CNTN4: variants seen among roughly 807,000 people sequenced by gnomAD.
CNTN4 encodes the protein contactin 4, also known as contactin-4.
CNTN4 carries 77 observed loss-of-function variants against 122.5 expected under a neutral mutation model. The observed-to-expected ratio is 0.63, with a 90% CI of 0.52 to 0.76. CNTN4 has a LOEUF of 0.76. CNTN4 is among the 30% of genes least tolerant of loss of function. CNTN4 has a pLI of 0.00. For missense variants in CNTN4, 1,256 were observed against 1,259.1 expected (o/e 1.00, Z 0.04); for synonymous variants, 512 against 447.0 (o/e 1.15, Z -1.83).
chr3:2,959,644 TA>T (rs1310678108), intron 13 of CNTN4, among the ~76,000 whole-genome samples: 6 of 151,776 alleles, frequency 4.0e-5, no homozygotes, highest in Non-Finnish European at 8.8e-5. Context: ...TTTTTATTTT[TA>T]GAATCATACT....
At chr3:2,605,318 A>G (rs1277420332) in intron 4 of CNTN4, among the ~76,000 whole-genome samples, 1 of 152,216 alleles carries the variant, frequency 6.6e-6, no homozygotes, top group African/African-American at 2.4e-5. Flanking sequence ...AGAGACCAGG[A>G]TATCTGGAGT....
intron 4 of CNTN4, among the ~76,000 whole-genome samples, chr3:2,649,594 A>G (rs912037423): frequency 2.6e-5 from 4 of 152,190 alleles, no homozygotes; most frequent in African/African-American, 7.2e-5. Flanking sequence ...GTGTTTGACA[A>G]TGCACCTTGT....
At chr3:2,677,690 G>A (rs2084948226) in intron 4 of CNTN4, among the ~76,000 whole-genome samples, 1 of 152,012 alleles carries the variant, frequency 6.6e-6, no homozygotes, top group Non-Finnish European at 1.5e-5. Flanking sequence ...CAAATTCCCA[G>A]CAGATGGTGG....
intron 4 of CNTN4, among the ~76,000 whole-genome samples, chr3:2,696,580 A>G (rs1314532891): frequency 6.6e-6 from 1 of 152,128 alleles, no homozygotes; most frequent in Non-Finnish European, 1.5e-5. Context: ...TTGATCTTGG[A>G]TTTTCCAGCC....
chr3:2,590,124 A>G (rs1001569651), intron 4 of CNTN4, among the ~76,000 whole-genome samples: 2 of 152,124 alleles, frequency 1.3e-5, no homozygotes, highest in Non-Finnish European at 1.5e-5. Context: ...TACCTACACA[A>G]CATAATACGA....
rs1327141279 is a variant in CNTN4, at chr3:2,600,005, CTTCTTTTTTTTT to C, written c.55+28450_55+28461del. ...CAACTCTATTTTGGTTTATGGAATT[CTTCTTTTTTTTT>C]TTTTTTTTTTTTTTTTTTGCCAAAA... On this transcript the variant is annotated intron_variant, in intron 4 of 24. Coordinates refer to ENST00000418658, the MANE Select transcript of CNTN4 (RefSeq NM_175607.3). 6.4e-3 allele frequency among the ~76,000 whole-genome samples: 180 copies of C among 28,302 alleles called. 4 individuals are homozygous for C. Among genetic ancestry groups the C allele is most frequent in the African/African-American group, 0.013 (161 of 12,742 alleles). The allele number at this position is 28,302 out of a possible 152,430, so 18.6% of individuals were successfully genotyped here. A position where few individuals can be genotyped will look rare whatever the true frequency, so the allele number is the denominator to read the frequency against.
At chr3:2,116,932 C>A (rs1157773823) in intron 2 of CNTN4, among the ~76,000 whole-genome samples, 1 of 151,594 alleles carries the variant, frequency 6.6e-6, no homozygotes, top group Admixed American at 6.6e-5. Flanking sequence ...CACTCAAAAA[C>A]AATCAATAGA....
chr3:2,889,424 A>G (rs1429962367), intron 10 of CNTN4, among the ~76,000 whole-genome samples: 1 of 152,156 alleles, frequency 6.6e-6, no homozygotes, highest in African/African-American at 2.4e-5. Context: ...TTAAACTGTC[A>G]TAGTTGGTAT....
intron 12 of CNTN4, among the ~76,000 whole-genome samples, chr3:2,911,728 T>C (rs2094301958): frequency 6.6e-6 from 1 of 151,482 alleles, no homozygotes; most frequent in Non-Finnish European, 1.5e-5. Flanking sequence ...ATCAACGAGA[T>C]AAAAGATGAA....
intron 3 of CNTN4, among the ~76,000 whole-genome samples, chr3:2,529,891 C>A (rs538551195): frequency 1.3e-5 from 2 of 152,126 alleles, no homozygotes; most frequent in Admixed American, 6.6e-5. Context: ...TTAACAGCTG[C>A]TGGTTTGATT....
At chr3:2,452,348 T>C (rs761901178) in intron 3 of CNTN4, among the ~76,000 whole-genome samples, 1 of 152,188 alleles carries the variant, frequency 6.6e-6, no homozygotes, top group African/African-American at 2.4e-5. Context: ...GCTTTGTGCA[T>C]GCATCATGCG....
intron 3 of CNTN4, among the ~76,000 whole-genome samples, chr3:2,418,658 A>C (rs556531548): frequency 6.6e-6 from 1 of 152,344 alleles, no homozygotes; most frequent in African/African-American, 2.4e-5. Context: ...ACTTTTGTAA[A>C]GCACATCCAG....
chr3:2,433,724 T>G (rs371829530), intron 3 of CNTN4, among the ~76,000 whole-genome samples: 6 of 152,320 alleles, frequency 3.9e-5, no homozygotes, highest in East Asian at 1.9e-4. Flanking sequence ...ATTTCCTGTA[T>G]GTTTTCTTCT....
chr3:2,389,107 G>T (rs928306198), intron 3 of CNTN4, among the ~76,000 whole-genome samples: 1 of 151,182 alleles, frequency 6.6e-6, no homozygotes, highest in African/African-American at 2.4e-5. Context: ...GTTGCAGTGA[G>T]CTGAGATCGC....
intron 2 of CNTN4, among the ~76,000 whole-genome samples, chr3:2,176,228 G>A (rs2036742522): frequency 6.6e-6 from 1 of 152,068 alleles, no homozygotes; most frequent in Non-Finnish European, 1.5e-5. Flanking sequence ...CACAGGAAAC[G>A]AATGAGTATT....
chr3:2,441,347 T>A (rs2048431930), intron 3 of CNTN4, among the ~76,000 whole-genome samples: 1 of 152,208 alleles, frequency 6.6e-6, no homozygotes, highest in Non-Finnish European at 1.5e-5. Flanking sequence ...GACAGGTATC[T>A]TATTTAAGCC....
intron 3 of CNTN4, among the ~76,000 whole-genome samples, chr3:2,539,006 C>A (rs993024533): frequency 6.6e-6 from 1 of 151,918 alleles, no homozygotes; most frequent in Non-Finnish European, 1.5e-5. Context: ...AACTACTCCC[C>A]ATTATTGAAC....
chr3:2,562,018 T>C (rs891653681), intron 3 of CNTN4, among the ~76,000 whole-genome samples: 1 of 152,192 alleles, frequency 6.6e-6, no homozygotes, highest in Non-Finnish European at 1.5e-5. Context: ...TGTTCTTGAT[T>C]TTATTGTAAT....
chr3:2,619,007 A>G (rs531303408), intron 4 of CNTN4, among the ~76,000 whole-genome samples: 16 of 152,294 alleles, frequency 1.1e-4, no homozygotes, highest in Admixed American at 7.2e-4. Context: ...ATGTTCCTTG[A>G]CCTTATACCT....
Sources: allele counts gnomAD v4.1 joint callset (sites outside exome capture counted in the v4.1 genomes callset), GRCh38; gene constraint gnomAD v4.1.1; transcripts MANE v1.5; gene names NCBI Gene and HGNC (gene_info 2026-07-23, HGNC 2026-07-21).